Variants in SAMD12 observed in about 807,000 individuals in gnomAD.
The protein encoded by SAMD12 is sterile alpha motif domain-containing protein 12.
A neutral mutation model predicts 15.0 loss-of-function variants in SAMD12; 9 were observed. The observed-to-expected ratio is 0.60, with a 90% CI of 0.36 to 1.05. SAMD12 has a LOEUF of 1.05. Among genes scored for constraint, SAMD12 ranks in the 50% least tolerant of loss-of-function variants. SAMD12 has a pLI of 0.01. For synonymous variants in SAMD12, 86 were observed against 90.1 expected (o/e 0.96, Z 0.25); for missense variants, 230 against 234.2 (o/e 0.98, Z 0.12).
At chr8:118,508,960 C>T (rs982742482) in intron 2 of SAMD12, among the ~76,000 whole-genome samples, 3 of 152,122 alleles carry the variant, frequency 2.0e-5, no homozygotes, top group Admixed American at 6.6e-5. Context: ...ACAAAATTTG[C>T]TCTATAATAA....
intron 4 of SAMD12, among the ~76,000 whole-genome samples, chr8:118,336,652 G>A (rs530433799): frequency 7.2e-5 from 11 of 152,258 alleles, no homozygotes; most frequent in African/African-American, 2.6e-4. Flanking sequence ...GTGTAAAAGT[G>A]TTCCTACTTC....
chr8:118,335,626 C>T (rs1817020391), intron 4 of SAMD12, among the ~76,000 whole-genome samples: 1 of 152,134 alleles, frequency 6.6e-6, no homozygotes, highest in African/African-American at 2.4e-5. Flanking sequence ...TATCTACCAC[C>T]CTAGGGAATG....
At chr8:118,288,860 C>T (rs548241581) in intron 4 of SAMD12, among the ~76,000 whole-genome samples, 105 of 152,162 alleles carry the variant, frequency 6.9e-4, no homozygotes, top group Non-Finnish European at 1.3e-3. Flanking sequence ...ACCAGGGGCA[C>T]ATATATATGA....
At chr8:118,155,775 A>G in the SAMD12 span, among the ~76,000 whole-genome samples, 14 of 152,226 alleles carry the variant, frequency 9.2e-5, no homozygotes, top group Admixed American at 2.0e-4. Context: ...AGGATGAATA[A>G]TTAAAAGGAA....
intron 2 of SAMD12, among the ~76,000 whole-genome samples, chr8:118,533,455 T>C (rs1382376118): frequency 4.6e-5 from 7 of 152,238 alleles, no homozygotes. Context: ...GTCTATTAGG[T>C]CCACTTGGTG....
rs184464232 is a variant in SAMD12 at position 118,488,955 on chromosome 8, G to A, written c.193-48994C>T. On this transcript the variant is annotated intron_variant, in intron 2 of 3. Coordinates refer to ENST00000314727, the MANE Select transcript of SAMD12 (RefSeq NM_207506.3). ...TCTTGTCAAACAGTTTTCTGAAGAG[G>A]TTGTACCAGTTTACACTTTAGCAAA... Among the ~76,000 whole-genome samples the A allele has an allele frequency of 7.2e-5, 11 of 152,292 alleles. No individual in the cohort carries two copies. In the East Asian group the frequency reaches 1.7e-3, roughly 24 times the overall value.
intron 2 of SAMD12, among the ~76,000 whole-genome samples, chr8:118,533,391 T>G (rs1334239554): frequency 2.0e-5 from 3 of 152,224 alleles, no homozygotes; most frequent in Non-Finnish European, 4.4e-5. Flanking sequence ...AAGTGTGATG[T>G]GGTGCTGAGA....
chr8:118,594,041 A>C (rs1827653810), intron 1 of SAMD12, among the ~76,000 whole-genome samples: 2 of 152,180 alleles, frequency 1.3e-5, no homozygotes, highest in African/African-American at 4.8e-5. Context: ...TCTATGTCAC[A>C]AATCACAGTT....
chr8:118,521,085 T>A (rs1825376584), intron 2 of SAMD12, among the ~76,000 whole-genome samples: 1 of 152,232 alleles, frequency 6.6e-6, no homozygotes. Context: ...TCAGTGAGAA[T>A]GCCTGTCTGT....
intron 3 of SAMD12, among the ~76,000 whole-genome samples, chr8:118,429,705 C>T (rs188623368): frequency 6.6e-6 from 1 of 152,154 alleles, no homozygotes; most frequent in Admixed American, 6.5e-5. Flanking sequence ...ACCAATCTGG[C>T]CAACATTGTG....
At chr8:118,494,969 T>G (rs538888221) in intron 2 of SAMD12, among the ~76,000 whole-genome samples, 1 of 152,310 alleles carries the variant, frequency 6.6e-6, no homozygotes, top group South Asian at 2.1e-4. Context: ...TTCATAAACT[T>G]CCCTAAGCTC....
chr8:118,145,677 C>A, the SAMD12 span, among the ~76,000 whole-genome samples: 3 of 152,112 alleles, frequency 2.0e-5, no homozygotes, highest in African/African-American at 7.2e-5. Context: ...ACAAGGGAAT[C>A]CTTTATGCCA....
chr8:118,532,856 T>G (rs1825729546), intron 2 of SAMD12, among the ~76,000 whole-genome samples: 1 of 152,208 alleles, frequency 6.6e-6, no homozygotes, highest in Admixed American at 6.5e-5. Context: ...TTTCTAGCGG[T>G]CTATCAATTT....
chr8:118,583,422 G>A (rs908854929), intron 1 of SAMD12, among the ~76,000 whole-genome samples: 4 of 152,098 alleles, frequency 2.6e-5, no homozygotes, highest in African/African-American at 9.7e-5. Context: ...GTAGGGAGAT[G>A]GGGGATTGGC....
chr8:118,180,493 C>A, the SAMD12 span, among the ~76,000 whole-genome samples: 1 of 152,114 alleles, frequency 6.6e-6, no homozygotes, highest in Non-Finnish European at 1.5e-5. Context: ...AAATGTGGCT[C>A]ATTCTGTCTA....
chr8:118,378,309 T>C lies in SAMD12; in HGVS notation c.*1108A>G, dbSNP rs896195096. ...TTTCCAAATAGCACTGTGACAGACT[T>C]TCTTATCATAATCTTCGTATTTCTA... On this transcript the variant is annotated 3_prime_UTR_variant, in exon 4 of 4. Transcript: ENST00000314727. 17 of 819,618 alleles carry C rather than the reference T, an allele frequency of 2.1e-5. No individual in the cohort carries two copies. The highest frequency in any genetic ancestry group is 2.5e-5 in the Non-Finnish European group (17 of 679,076). The allele number at this position is 819,618 out of a possible 1,614,324, so 50.8% of individuals were successfully genotyped here. A position where few individuals can be genotyped will look rare whatever the true frequency, so the allele number is the denominator to read the frequency against.
chr8:118,578,384 C>T (rs977768347), intron 2 of SAMD12, among the ~76,000 whole-genome samples: 1 of 152,066 alleles, frequency 6.6e-6, no homozygotes, highest in Non-Finnish European at 1.5e-5. Flanking sequence ...ATTATTGGCC[C>T]CCTAATGGCA....
chr8:118,208,249 C>T (rs1243872801), intron 4 of SAMD12, among the ~76,000 whole-genome samples: 1 of 151,970 alleles, frequency 6.6e-6, no homozygotes, highest in African/African-American at 2.4e-5. Context: ...AAGAGCGAAA[C>T]TCTGTCTCAA....
At chr8:118,388,016 T>A (rs1310508937) in intron 3 of SAMD12, among the ~76,000 whole-genome samples, 1 of 152,136 alleles carries the variant, frequency 6.6e-6, no homozygotes, top group East Asian at 1.9e-4. Flanking sequence ...ATAATTTCCC[T>A]GCCAGAGGGA....
Sources: gnomAD v4.1 joint callset for allele counts (sites outside exome capture counted in the v4.1 genomes callset) on GRCh38, gnomAD v4.1.1 for gene constraint, MANE v1.5 for transcripts, NCBI Gene and HGNC (gene_info 2026-07-23, HGNC 2026-07-21) for gene names.